HDAC6: variants seen among roughly 807,000 people sequenced by gnomAD.
HDAC6 encodes the protein protein deacetylase HDAC6.
Under a neutral mutation model 88.9 loss-of-function variants are expected in HDAC6, and 5 were observed. The observed-to-expected ratio is 0.06, with a 90% CI of 0.03 to 0.12. The LOEUF is 0.12. Ranked by LOEUF, HDAC6 falls within the 10% of genes least tolerant of loss-of-function variation. The pLI is 1.00. For synonymous variants in HDAC6, 378 were observed against 398.0 expected (o/e 0.95, Z 0.60); for missense variants, 706 against 1,014.4 (o/e 0.70, Z 4.13).
rs1185169123 is a variant in HDAC6, at chrX:48,823,760, A to G, written c.3278A>G (p.Gln1093Arg). Residue 1093 changes from glutamine (Q) to arginine (R), a missense_variant, in exon 26 of 29, where the codon CAG becomes CGG. Physicochemically the swap from Gln to Arg is conservative, Grantham distance 43. Transcript: ENST00000334136. ...GACATGGCTGATTCGATGCTGATGC[A>G]GGGATCTAGGGGCCTCACTGATCAG... ...GQDMADSMLMQGSRGLTDQAI... is the reference protein window; with the variant it reads ...GQDMADSMLMRGSRGLTDQAI... 2 of 1,205,458 alleles carry G rather than the reference A, an allele frequency of 1.7e-6. No homozygotes were observed. Among genetic ancestry groups the G allele is most frequent in the Non-Finnish European group, 2.2e-6 (2 of 891,577 alleles).
At chrX:48,817,995 C>T (rs781873841) in intron 20 of HDAC6, 46 bp from the exon 21 acceptor site, 42 of 1,113,269 alleles carry the variant, frequency 3.8e-5, no homozygotes, top group Non-Finnish European at 5.1e-5. Context: ...AGCCCTCTTC[C>T]AGGGCGTGAG....
intron 19 of HDAC6, 127 bp downstream of exon 19, chrX:48,816,760 GGGA>G: frequency 2.0e-6 from 1 of 493,525 alleles, no homozygotes; most frequent in Non-Finnish European, 3.1e-6. Flanking sequence ...GGAGGGGCAC[GGGA>G]GGGGGTGGGC....
chrX:48,808,424 A>G, intron 10 of HDAC6, 98 bp downstream of exon 10: 1 of 541,602 alleles, frequency 1.8e-6, no homozygotes, highest in Non-Finnish European at 3.1e-6. Context: ...AGGCATTCAC[A>G]TTCATGGGGC....
chrX:48,822,437 C>T (rs192190191), intron 23 of HDAC6, among the ~76,000 whole-genome samples, 183 bp from the exon 24 acceptor site: 4 of 111,896 alleles, frequency 3.6e-5, no homozygotes, highest in Admixed American at 2.8e-4. Flanking sequence ...ACAACAACCA[C>T]CTTACACAGT....
At chrX:48,808,398 G>T (rs1602244712) in intron 10 of HDAC6, 72 bp downstream of exon 10, 4 of 762,283 alleles carry the variant, frequency 5.2e-6, no homozygotes, top group Non-Finnish European at 7.8e-6. Flanking sequence ...GCCAGAAGGG[G>T]TCCAGAAGGA....
chrX:48,822,923 A>G lies in HDAC6; in HGVS notation c.2524A>G (p.Arg842Gly). The change falls in exon 25 of 29, where the codon AGA (arginine) becomes GGA (glycine). Residue 842 changes from arginine to glycine, a missense_variant. Arg to Gly is a moderately radical substitution (Grantham distance 125). This residue lies in a region of HDAC6 where 138 missense variants were observed against 303.5 expected (regional missense o/e 0.45). Coordinates refer to ENST00000334136, the MANE Select transcript of HDAC6 (RefSeq NM_006044.4). Reference sequence around the variant, plus strand: ...CTCCCTGGTTCCAGAGGTAGAAGACAGAGAAGGACCCTCCAGTTCTAAGTT... The same window carrying G: ...CTCCCTGGTTCCAGAGGTAGAAGACGGAGAAGGACCCTCCAGTTCTAAGTT... ...RSLRVMKVED[R>G]EGPSSSKLVT... is the part of the protein sequence containing the mutation. The G allele has an allele frequency of 5.9e-6, 7 of 1,183,596 alleles. No individual in the cohort carries two copies. Among genetic ancestry groups the G allele is most frequent in the Non-Finnish European group, 8.0e-6 (7 of 880,471 alleles).
intron 23 of HDAC6, among the ~76,000 whole-genome samples, chrX:48,821,536 C>T (rs1453128915): frequency 1.0e-5 from 1 of 97,260 alleles, no homozygotes; most frequent in Admixed American, 1.1e-4. Context: ...AGAGTCTCGC[C>T]GTGTCACCCA....
chrX:48,808,666 A>AT (rs2147342862), intron 10 of HDAC6, among the ~76,000 whole-genome samples: 1 of 112,106 alleles, frequency 8.9e-6, no homozygotes, highest in Non-Finnish European at 1.9e-5. Context: ...TTACTGCTTT[A>AT]TTTTTTCTGA....
chrX:48,814,613 C>G, intron 11 of HDAC6, 47 bp downstream of exon 11: 1 of 1,207,468 alleles, frequency 8.3e-7, no homozygotes, highest in Non-Finnish European at 1.1e-6. Flanking sequence ...CCAGCCCCGC[C>G]CTTCTGTCAG....
Position 48,815,462 on chromosome X carries a change from C to T in HDAC6, c.1228C>T (p.Leu410=), listed in dbSNP as rs1557027244. 3 of 1,206,664 alleles carry T rather than the reference C, an allele frequency of 2.5e-6. No individual in the cohort carries two copies. Among genetic ancestry groups the T allele is most frequent in the Non-Finnish European group, 2.2e-6 (2 of 892,195 alleles). The change falls in exon 15 of 29, where the codon CTG becomes TTG. Residue 410 remains leucine (L), a synonymous_variant. Coordinates refer to ENST00000334136, the MANE Select transcript of HDAC6 (RefSeq NM_006044.4). The part of the protein sequence containing the change: ...HTLLGDPCPM[L]ESPGAPCRSA... ...CCTTCTGGGAGACCCTTGCCCCATG[C>T]TGGAGTCACCTGGTGCCCCCTGCCG...
At chrX:48,815,207 T>C (rs1310528191) in intron 14 of HDAC6, 156 bp downstream of exon 14, 20 of 571,060 alleles carry the variant, frequency 3.5e-5, no homozygotes, top group Non-Finnish European at 5.0e-5. Context: ...GCTTTCCTTC[T>C]ATAAAACGAG....
intron 1 of HDAC6, 61 bp downstream of exon 1, chrX:48,802,203 C>A (rs2062736436): frequency 2.7e-5 from 23 of 867,746 alleles, no homozygotes; most frequent in Non-Finnish European, 3.1e-5. Flanking sequence ...GAGTCGAAAC[C>A]GGGGTCGGGG....
chrX:48,824,867 C>T lies in HDAC6; in HGVS notation c.*255C>T, dbSNP rs1569506171. On this transcript the variant is annotated 3_prime_UTR_variant, in exon 29 of 29. Transcript: ENST00000334136. The stretch of plus-strand genomic sequence containing the variant: ...AGCCCAGAAGGAAAGGGGGGCAGCT[C>T]AGTGGCCCCAAGAGGGAGCTGATAT... 8.9e-7 allele frequency: 1 copy of T among 1,120,297 alleles called. No individual in the cohort carries two copies. The highest frequency in any genetic ancestry group is 3.6e-5 in the East Asian group (1 of 28,113). 92.3% of individuals were successfully genotyped at this position (1,120,297 alleles called of 1,213,427 possible). A position where few individuals can be genotyped will look rare whatever the true frequency, so the allele number is the denominator to read the frequency against.
chrX:48,820,075 T>C, intron 22 of HDAC6, 31 bp from the exon 23 acceptor site: 1 of 1,205,299 alleles, frequency 8.3e-7, no homozygotes, highest in Non-Finnish European at 1.1e-6. Context: ...CCTACCCTCA[T>C]GCTTATACAT....
intron 20 of HDAC6, chrX:48,817,725 G>A (rs1237818666): frequency 3.2e-5 from 13 of 412,350 alleles, no homozygotes; most frequent in Non-Finnish European, 5.5e-5. Context: ...TATAGCAGCT[G>A]CCTCGACAGA....
Position 48,823,036 on chromosome X carries a change from G to A in HDAC6, c.2637G>A (p.Met879Ile). Reference protein sequence around the residue: ...TREKKVLEAGMGKVTSASFGE... With the variant: ...TREKKVLEAGIGKVTSASFGE... ...AAAAGAAGGTTCTGGAAGCAGGCAT[G>A]GGGAAAGTCACCTCGGCATCATTTG... The change falls in exon 25 of 29, where the codon ATG becomes ATA. Residue 879 changes from methionine to isoleucine, a missense_variant. Met to Ile is a conservative substitution (Grantham distance 10, BLOSUM62 1). This residue lies in a region of HDAC6 where 89 missense variants were observed against 90.9 expected (regional missense o/e 0.98). Coordinates refer to ENST00000334136, the MANE Select transcript of HDAC6 (RefSeq NM_006044.4). The A allele has an allele frequency of 4.0e-5, 48 of 1,211,640 alleles. No individual in the cohort carries two copies. Among genetic ancestry groups the A allele is most frequent in the Non-Finnish European group, 5.4e-5 (48 of 895,367 alleles).
intron 10 of HDAC6, among the ~76,000 whole-genome samples, chrX:48,809,367 A>G (rs2062864854): frequency 8.9e-6 from 1 of 111,969 alleles, no homozygotes; most frequent in East Asian, 2.8e-4. Context: ...GCTTGGAACC[A>G]GAAGTATTTC....
rs201526063 is a variant in HDAC6 at position 48,805,474 on chromosome X, G to A, written c.348G>A (p.Lys116=). The A allele has an allele frequency of 5.2e-5, 63 of 1,208,730 alleles. No homozygotes were observed. Among genetic ancestry groups the A allele is most frequent in the Non-Finnish European group, 4.5e-5 (40 of 894,426 alleles). Residue 116 remains lysine (K), a synonymous_variant, in exon 5 of 29, where the codon AAG becomes AAA. Transcript: ENST00000334136. ...PEGPERLHAI[K]EQLIQEGLLD... The stretch of plus-strand genomic sequence containing the variant: ...GCCCTGAGCGGCTCCATGCCATCAA[G>A]GAGCAACTGATCCAGGAGGGCCTCC...
chrX:48,818,448 A>G (rs373102129), intron 22 of HDAC6, 36 bp downstream of exon 22: 1 of 1,094,513 alleles, frequency 9.1e-7, no homozygotes. Flanking sequence ...CGTATGTGAC[A>G]CGCCTGTGCA....
Sources: gnomAD v4.1 joint callset for allele counts (sites outside exome capture counted in the v4.1 genomes callset) on GRCh38, gnomAD v4.1.1 for gene constraint, gnomAD v4.1.1 regional missense constraint, MANE v1.5 for transcripts, NCBI Gene and HGNC (gene_info 2026-07-23, HGNC 2026-07-21) for gene names.